Variants in PLA2G4A observed in about 807,000 individuals in gnomAD.
PLA2G4A encodes phospholipase A2 group IVA.
A neutral mutation model predicts 81.9 loss-of-function variants in PLA2G4A; 40 were observed. The observed-to-expected ratio is 0.49, with a 90% CI of 0.38 to 0.64. PLA2G4A has a LOEUF of 0.64. Ranked by LOEUF, PLA2G4A falls within the 30% of genes least tolerant of loss-of-function variation. The probability of loss-of-function intolerance (pLI) is 0.00; values close to 1 mark genes in which losing one functional copy is unlikely to be tolerated. For missense variants in PLA2G4A, 715 were observed against 905.1 expected, an observed-to-expected ratio of 0.79 and a Z score of 2.69; for synonymous variants, 302 against 296.9, an observed-to-expected ratio of 1.02 and a Z score of -0.18.
At chr1:186,848,422 A>C (rs943192091) in intron 1 of PLA2G4A, among the ~76,000 whole-genome samples, 3 of 152,120 alleles carry the variant, frequency 2.0e-5, no homozygotes, top group Non-Finnish European at 4.4e-5. Flanking sequence ...CAATGACTTC[A>C]TCCCCTTTCT....
chr1:186,903,604 A>G (rs1005530496), intron 5 of PLA2G4A, among the ~76,000 whole-genome samples: 1 of 152,078 alleles, frequency 6.6e-6, no homozygotes, highest in Non-Finnish European at 1.5e-5. Flanking sequence ...TTCTCACAGG[A>G]GCATGAACCC....
At chr1:186,923,286 A>G (rs990484937) in intron 7 of PLA2G4A, among the ~76,000 whole-genome samples, 10 of 152,196 alleles carry the variant, frequency 6.6e-5, no homozygotes, top group Non-Finnish European at 1.3e-4. Flanking sequence ...TCAGAAATTT[A>G]TAGCTTCTCT....
At chr1:186,865,375 G>T (rs911398333) in intron 2 of PLA2G4A, among the ~76,000 whole-genome samples, 1 of 152,076 alleles carries the variant, frequency 6.6e-6, no homozygotes, top group Non-Finnish European at 1.5e-5. Context: ...TTTAAAAAGT[G>T]TAGGTGAATA....
chr1:186,842,007 T>C (rs1651999322), intron 1 of PLA2G4A, among the ~76,000 whole-genome samples: 1 of 151,940 alleles, frequency 6.6e-6, no homozygotes, highest in African/African-American at 2.4e-5. Context: ...CTCTCCTTTA[T>C]AATCTTCACC....
intron 3 of PLA2G4A, among the ~76,000 whole-genome samples, chr1:186,889,795 C>A (rs1469231347): frequency 6.6e-6 from 1 of 151,948 alleles, no homozygotes; most frequent in Non-Finnish European, 1.5e-5. Context: ...CTTCTCTCCC[C>A]CCTCCCTCCC....
intron 15 of PLA2G4A, among the ~76,000 whole-genome samples, chr1:186,967,948 A>G (rs1657191295): frequency 6.6e-6 from 1 of 152,114 alleles, no homozygotes; most frequent in African/African-American, 2.4e-5. Flanking sequence ...GCAAGGAATT[A>G]ACATTAAGAG....
chr1:186,832,585 T>G (rs1651632480), intron 1 of PLA2G4A, among the ~76,000 whole-genome samples: 1 of 152,216 alleles, frequency 6.6e-6, no homozygotes, highest in African/African-American at 2.4e-5. Context: ...ATCCAACAAC[T>G]TGGATAATTG....
chr1:186,904,730 C>T (rs985139211), intron 5 of PLA2G4A, among the ~76,000 whole-genome samples: 1 of 152,092 alleles, frequency 6.6e-6, no homozygotes, highest in Non-Finnish European at 1.5e-5. Context: ...AATGTCTTAG[C>T]CAAGAAATGT....
chr1:186,917,776 T>C (rs2102170885), intron 7 of PLA2G4A, among the ~76,000 whole-genome samples: 1 of 152,310 alleles, frequency 6.6e-6, no homozygotes, highest in Middle Eastern at 3.4e-3. Context: ...ACCTCCACAT[T>C]TTGGCATTTC....
intron 10 of PLA2G4A, among the ~76,000 whole-genome samples, chr1:186,941,046 G>C (rs1461582075): frequency 6.7e-6 from 1 of 149,560 alleles, no homozygotes; most frequent in East Asian, 2.0e-4. Context: ...GGAGACAGAG[G>C]AGCTTCCAGT....
At chr1:186,839,180 T>C (rs187844665) in intron 1 of PLA2G4A, among the ~76,000 whole-genome samples, 6 of 152,328 alleles carry the variant, frequency 3.9e-5, no homozygotes, top group Non-Finnish European at 7.4e-5. Context: ...GTGGAAGCAG[T>C]GAGTCTGTGC....
At chr1:186,883,895 G>A (rs1215851850) in intron 3 of PLA2G4A, among the ~76,000 whole-genome samples, 2 of 152,250 alleles carry the variant, frequency 1.3e-5, no homozygotes, top group African/African-American at 2.4e-5. Flanking sequence ...TTTAGAAGCA[G>A]TAAGTGTAGA....
At chr1:186,928,183 C>A (rs2891260) in intron 7 of PLA2G4A, among the ~76,000 whole-genome samples, 1 of 152,064 alleles carries the variant, frequency 6.6e-6, no homozygotes, top group Non-Finnish European at 1.5e-5. Context: ...ATCCAAGGGA[C>A]CCAGACTGCA....
intron 7 of PLA2G4A, among the ~76,000 whole-genome samples, chr1:186,922,050 T>C (rs2102180750): frequency 6.6e-6 from 1 of 152,286 alleles, no homozygotes; most frequent in South Asian, 2.1e-4. Flanking sequence ...AGTGACTCCA[T>C]AGTCTCCTTT....
chr1:186,949,100 T>G (rs370328839), intron 12 of PLA2G4A, among the ~76,000 whole-genome samples: 11 of 152,116 alleles, frequency 7.2e-5, no homozygotes, highest in East Asian at 3.9e-4. Flanking sequence ...TGTGAAAAAT[T>G]TACACTTTTG....
chr1:186,979,149 T>C (rs528159636), intron 16 of PLA2G4A, among the ~76,000 whole-genome samples, 166 bp from the exon 17 acceptor site: 13 of 152,290 alleles, frequency 8.5e-5, no homozygotes, highest in South Asian at 6.2e-4. Context: ...TTGGATGTCA[T>C]CTGGCCAGAA....
At chr1:186,973,904 CCTTCTCCCTAAT>C (rs1024637200) in intron 15 of PLA2G4A, among the ~76,000 whole-genome samples, 4 of 152,048 alleles carry the variant, frequency 2.6e-5, no homozygotes, top group African/African-American at 7.2e-5. Context: ...TATATGCCAT[CCTTCTCCCTAAT>C]CTTCTCCCTA....
In PLA2G4A at chr1:186,866,181, T is replaced by C. The variant is rs1273011243; in HGVS notation, c.34-4254T>C. 2.0e-5 allele frequency among the ~76,000 whole-genome samples: 3 copies of C among 152,004 alleles called. No homozygotes were observed. The East Asian group carries it at 5.8e-4, about 29-fold the overall frequency. ...CTATCCAAGTTGAAACCTAGTGCAG[T>C]CTGGACTAGTTTGAAATTGCATGTG... On this transcript the variant is annotated intron_variant, in intron 2 of 17. Coordinates refer to ENST00000367466, the MANE Select transcript of PLA2G4A (RefSeq NM_024420.3).
chr1:186,852,395 A>T (rs1652408129), intron 1 of PLA2G4A, among the ~76,000 whole-genome samples: 1 of 152,040 alleles, frequency 6.6e-6, no homozygotes, highest in Non-Finnish European at 1.5e-5. Flanking sequence ...AAAATAACAG[A>T]AATGTGAAAG....
Sources: allele counts gnomAD v4.1 joint callset (sites outside exome capture counted in the v4.1 genomes callset), GRCh38; gene constraint gnomAD v4.1.1; transcripts MANE v1.5; gene names NCBI Gene and HGNC (gene_info 2026-07-23, HGNC 2026-07-21).